The following C1orf185 variants were observed in gnomAD, a reference collection of about 807,000 sequenced individuals.
The protein encoded by C1orf185 is chromosome 1 open reading frame 185.
C1orf185 carries 13 observed loss-of-function variants against 16.1 expected under a neutral mutation model. The observed-to-expected ratio is 0.81, with a 90% confidence interval of 0.53 to 1.28. The LOEUF (loss-of-function observed/expected upper bound fraction) is 1.28, where lower values mean the gene tolerates loss of function less well. Ranked by LOEUF, C1orf185 falls within the 50% of genes most tolerant of loss-of-function variation. The pLI is 0.00. For synonymous variants in C1orf185, 80 were observed against 76.9 expected (o/e 1.04, Z -0.21); for missense variants, 220 against 225.2 (o/e 0.98, Z 0.15).
intron 2 of C1orf185, among the ~76,000 whole-genome samples, chr1:51,116,266 A>C: frequency 6.7e-6 from 1 of 148,892 alleles, no homozygotes; most frequent in South Asian, 2.1e-4. Flanking sequence ...TTTTCTCCAC[A>C]CTTCTACCAG....
intron 1 of C1orf185, among the ~76,000 whole-genome samples, chr1:51,110,829 C>G (rs774562831): frequency 1.3e-5 from 2 of 151,838 alleles, no homozygotes; most frequent in Non-Finnish European, 2.9e-5. Flanking sequence ...ATTAGCCTGG[C>G]GTGGTGGTGT....
At chr1:51,123,259 C>T (rs1646211320) in intron 3 of C1orf185, among the ~76,000 whole-genome samples, 1 of 152,092 alleles carries the variant, frequency 6.6e-6, no homozygotes, top group African/African-American at 2.4e-5. Flanking sequence ...TCTTAAAGGC[C>T]CCACCTTCTG....
rs143437445 is a variant in C1orf185 at position 51,118,770 on chromosome 1, G to A, written c.227G>A (p.Arg76Gln). 73 of 1,478,250 alleles carry A rather than the reference G, an allele frequency of 4.9e-5. 1 individual carries two copies. The East Asian group carries it at 8.8e-4, about 18-fold the overall frequency. 91.6% of individuals were successfully genotyped at this position (1,478,250 alleles called of 1,614,324 possible). The change falls in exon 3 of 5, where the codon CGA (arginine) becomes CAA (glutamine). Residue 76 changes from arginine (R) to glutamine (Q), a missense_variant. Physicochemically the swap from Arg to Gln is conservative, Grantham distance 43. Coordinates refer to ENST00000371759, the MANE Select transcript of C1orf185 (RefSeq NM_001136508.2). Reference sequence around the variant, plus strand: ...CATTCTCAGTGTGTTTTTATTTCTCGAAATTTTCATACTGGGAGATTCCAA... The same window carrying A: ...CATTCTCAGTGTGTTTTTATTTCTCAAAATTTTCATACTGGGAGATTCCAA... ...KSHSQCVFIS[R>Q]NFHTGRFQLQ...
chr1:51,112,448 T>C lies in C1orf185; in HGVS notation c.17-16T>C. On this transcript the variant is annotated splice_polypyrimidine_tract_variant and intron_variant, in intron 1 of 4. Transcript: ENST00000371759. ...AATACATGCATGAAATAATCTTTTG[T>C]AATTTGTTTGTATAGGTTTTTTTAA... The C allele has an allele frequency of 6.6e-7, 1 of 1,510,554 alleles. No individual in the cohort carries two copies. Among genetic ancestry groups the C allele is most frequent in the Non-Finnish European group, 8.9e-7 (1 of 1,121,664 alleles). The allele number at this position is 1,510,554 out of a possible 1,614,324, so 93.6% of individuals were successfully genotyped here. A position where few individuals can be genotyped will look rare whatever the true frequency, so the allele number is the denominator to read the frequency against.
At position 51,131,643 on chromosome 1, in the gene C1orf185, GA is replaced by G. The variant is rs569572726; in HGVS notation, c.258+12850del. Among the ~76,000 whole-genome samples the G allele has an allele frequency of 2.1e-4, 32 of 151,938 alleles. No individual in the cohort carries two copies. The East Asian group carries it at 6.0e-3, about 28-fold the overall frequency. On this transcript the variant is annotated intron_variant, in intron 3 of 4. Transcript: ENST00000371759. ...AAAGAGAGAGAGAGAGAGAAAGGAAGAAAAAAAATTTAAAAAGATAGTTAAG... is the reference window on the plus strand; with the variant it reads ...AAAGAGAGAGAGAGAGAGAAAGGAAGAAAAAAATTTAAAAAGATAGTTAAG...
intron 3 of C1orf185, among the ~76,000 whole-genome samples, chr1:51,138,032 C>T (rs1288621671): frequency 6.6e-6 from 1 of 152,096 alleles, no homozygotes; most frequent in African/African-American, 2.4e-5. Flanking sequence ...AGGGGAACAA[C>T]ACACACTGGG....
At chr1:51,130,653 T>C (rs1187870275) in intron 3 of C1orf185, among the ~76,000 whole-genome samples, 1 of 152,224 alleles carries the variant, frequency 6.6e-6, no homozygotes, top group Non-Finnish European at 1.5e-5. Flanking sequence ...TTTTTTCCCA[T>C]TCCATTGTCT....
intron 3 of C1orf185, among the ~76,000 whole-genome samples, chr1:51,145,001 G>A (rs1374611869): frequency 2.0e-5 from 3 of 152,064 alleles, no homozygotes; most frequent in East Asian, 3.9e-4. Flanking sequence ...TGTTTCAGTA[G>A]GGTCTGATAT....
chr1:51,111,203 T>A (rs1167124035), intron 1 of C1orf185, among the ~76,000 whole-genome samples: 1 of 151,882 alleles, frequency 6.6e-6, no homozygotes, highest in African/African-American at 2.4e-5. Flanking sequence ...AACCCAGAGG[T>A]CTGGCTTTAA....
Position 51,147,721 on chromosome 1 carries a change from A to G in C1orf185, c.550A>G (p.Thr184Ala). Residue 184 changes from threonine (T) to alanine (A), a missense_variant, in exon 5 of 5, where the codon ACC becomes GCC. Thr to Ala is a moderately conservative substitution (Grantham distance 58). Transcript: ENST00000371759. ...GGAAAAAGTATTTTCATACCTGTCA[A>G]CCATTTCATTAGAAGAGGGTACTGA... ...LMEKVFSYLS[T>A]ISLEEGTESV... The G allele has an allele frequency of 3.9e-6, 6 of 1,550,898 alleles. No homozygotes were observed. The highest frequency in any genetic ancestry group is 5.2e-6 in the Non-Finnish European group (6 of 1,146,658).
chr1:51,150,063 G>T (rs1646423273), downstream of C1orf185, among the ~76,000 whole-genome samples: 1 of 152,052 alleles, frequency 6.6e-6, no homozygotes, highest in African/African-American at 2.4e-5. Context: ...AAACTAGAAA[G>T]ACCTTTGTTT....
chr1:51,150,718 G>A (rs576692525), downstream of C1orf185, among the ~76,000 whole-genome samples: 50 of 152,094 alleles, frequency 3.3e-4, no homozygotes, highest in Non-Finnish European at 6.3e-4. Flanking sequence ...TGTCTTTTGC[G>A]TTAGAAACAA....
chr1:51,142,527 G>A (rs774572988), intron 3 of C1orf185, among the ~76,000 whole-genome samples: 14 of 152,304 alleles, frequency 9.2e-5, no homozygotes, highest in Non-Finnish European at 1.6e-4. Flanking sequence ...GTCATCTAGA[G>A]TTTCCAATGT....
chr1:51,118,472 G>T (rs1376581845), intron 2 of C1orf185, among the ~76,000 whole-genome samples, 194 bp from the exon 3 acceptor site: 1 of 152,036 alleles, frequency 6.6e-6, no homozygotes, highest in Non-Finnish European at 1.5e-5. Context: ...TATATTCTAT[G>T]AATAAAATAG....
chr1:51,150,941 C>A (rs939710549), downstream of C1orf185, among the ~76,000 whole-genome samples: 1 of 152,074 alleles, frequency 6.6e-6, no homozygotes, highest in Non-Finnish European at 1.5e-5. Flanking sequence ...CCCTTTGTAC[C>A]AGAGGGAGCC....
At chr1:51,151,670 ATTTTAT>A (rs1326043380), downstream of C1orf185, among the ~76,000 whole-genome samples, 2 of 151,810 alleles carry the variant, frequency 1.3e-5, no homozygotes, top group African/African-American at 4.8e-5. Context: ...TTAAAAATTT[ATTTTAT>A]TTTTATTTAT....
intron 3 of C1orf185, among the ~76,000 whole-genome samples, chr1:51,140,465 A>T (rs1167290141): frequency 3.3e-5 from 5 of 152,094 alleles, no homozygotes; most frequent in African/African-American, 4.8e-5. Flanking sequence ...TCTAATGTGT[A>T]TCTTAGGTTT....
At chr1:51,120,743 C>G (rs1222638038) in intron 3 of C1orf185, among the ~76,000 whole-genome samples, 1 of 152,148 alleles carries the variant, frequency 6.6e-6, no homozygotes, top group Non-Finnish European at 1.5e-5. Flanking sequence ...GATGTATAGA[C>G]ACTAATAGAC....
intron 3 of C1orf185, among the ~76,000 whole-genome samples, chr1:51,130,557 T>C (rs147403590): frequency 6.6e-6 from 1 of 152,330 alleles, no homozygotes; most frequent in East Asian, 1.9e-4. Flanking sequence ...TTTAAAACTA[T>C]GTGTTTTCAT....
Sources: gnomAD v4.1 joint callset for allele counts (sites outside exome capture counted in the v4.1 genomes callset) on GRCh38, gnomAD v4.1.1 for gene constraint, MANE v1.5 for transcripts, NCBI Gene and HGNC (gene_info 2026-07-23, HGNC 2026-07-21) for gene names.